EYS: variants seen among roughly 807,000 people sequenced by gnomAD.
EYS encodes the protein protein eyes shut homolog.
Under a neutral mutation model 282.1 loss-of-function variants are expected in EYS, and 250 were observed. That is an observed-to-expected ratio of 0.89 (90% CI 0.80 to 0.98). The LOEUF (loss-of-function observed/expected upper bound fraction) is 0.98. Ranked by LOEUF, EYS falls within the 50% of genes least tolerant of loss-of-function variation. The pLI is 0.00. For missense variants in EYS, 4,016 were observed against 3,709.0 expected, an observed-to-expected ratio of 1.08 and a Z score of -2.15; for synonymous variants, 1,355 against 1,282.9, an observed-to-expected ratio of 1.06 and a Z score of -1.20.
At position 65,199,452 on chromosome 6, in the gene EYS, C is replaced by T. The variant is rs75090245; in HGVS notation, c.2023+96411G>A. 1.4e-3 allele frequency among the ~76,000 whole-genome samples: 211 copies of T among 152,032 alleles called. 4 individuals are homozygous for T. The East Asian group carries it at 0.031, about 22-fold the overall frequency. On this transcript the variant is annotated intron_variant, in intron 12 of 42. Transcript: ENST00000503581. ...TTCTAATATTTCATTCATATTTAACCGACAGCAGCGAAGTACTCAGTGTAT... is the reference window on the plus strand; with the variant it reads ...TTCTAATATTTCATTCATATTTAACTGACAGCAGCGAAGTACTCAGTGTAT...
chr6:65,172,311 G>T (rs1256239544), intron 12 of EYS, among the ~76,000 whole-genome samples: 2 of 151,396 alleles, frequency 1.3e-5, no homozygotes, highest in Non-Finnish European at 3.0e-5. Context: ...CTACTTGAAA[G>T]TCAGCTGATA....
At chr6:63,839,620 A>T (rs1179965592) in intron 36 of EYS, among the ~76,000 whole-genome samples, 1 of 152,208 alleles carries the variant, frequency 6.6e-6, no homozygotes, top group Non-Finnish European at 1.5e-5. Context: ...AAGTGCTGAC[A>T]TTACAGGTAT....
chr6:64,513,175 G>GGTA (rs1331761978), intron 26 of EYS, among the ~76,000 whole-genome samples: 1 of 151,602 alleles, frequency 6.6e-6, no homozygotes, highest in African/African-American at 2.4e-5. Context: ...AAAATAGCTA[G>GGTA]GTAGACATTT....
chr6:64,861,628 C>T (rs76425870), intron 19 of EYS, among the ~76,000 whole-genome samples: 6,565 of 152,220 alleles, frequency 0.043, 200 homozygotes, highest in East Asian at 0.17. Context: ...GGCAGGGCTT[C>T]CACCTGGTCC....
intron 26 of EYS, among the ~76,000 whole-genome samples, chr6:64,481,276 A>G (rs9451730): frequency 0.031 from 1,903 of 61,322 alleles, 16 homozygotes; most frequent in African/African-American, 0.062. Flanking sequence ...GTGTGTGTGT[A>G]TATATATATA....
chr6:65,330,244 T>C, intron 11 of EYS: 1 of 951,442 alleles, frequency 1.1e-6, no homozygotes, highest in South Asian at 4.9e-5. Context: ...GAAAAATATC[T>C]TCCAGTTAGA....
At chr6:64,896,597 G>C (rs1169516971) in intron 18 of EYS, among the ~76,000 whole-genome samples, 1 of 150,750 alleles carries the variant, frequency 6.6e-6, no homozygotes, top group Non-Finnish European at 1.5e-5. Context: ...ACCAGCAAGA[G>C]AGAACCCTTC....
At chr6:64,352,537 G>GT (rs1771678837) in intron 29 of EYS, among the ~76,000 whole-genome samples, 1 of 151,478 alleles carries the variant, frequency 6.6e-6, no homozygotes, top group African/African-American at 2.4e-5. Context: ...AGTCACCAAT[G>GT]TTTTTATCAC....
Position 65,048,014 on chromosome 6 carries a change from G to A in EYS, c.2137+9600C>T, listed in dbSNP as rs73765733. Among the ~76,000 whole-genome samples the A allele has an allele frequency of 6.5e-3, 986 of 151,880 alleles. 15 individuals carry two copies. Among genetic ancestry groups the A allele is most frequent in the African/African-American group, 0.021 (890 of 41,466 alleles). Reference sequence around the variant, plus strand: ...TCCTTTCCTCTTATTTCATATTGGGGCTCCCATTTGCCAAACTCAAAAGAA... The same window carrying A: ...TCCTTTCCTCTTATTTCATATTGGGACTCCCATTTGCCAAACTCAAAAGAA... On this transcript the variant is annotated intron_variant, in intron 13 of 42. Transcript: ENST00000503581.
intron 12 of EYS, among the ~76,000 whole-genome samples, chr6:65,231,103 A>ATATATATGTATTTATATATATATACTTT (rs1766764167): frequency 6.9e-6 from 1 of 145,224 alleles, no homozygotes; most frequent in Non-Finnish European, 1.5e-5. Context: ...ATATACTTTT[A>ATATATATGTATTTATATATATATACTTT]TATATATGTA....
intron 30 of EYS, among the ~76,000 whole-genome samples, chr6:64,251,872 T>A (rs992182588): frequency 6.6e-6 from 1 of 152,046 alleles, no homozygotes; most frequent in Non-Finnish European, 1.5e-5. Flanking sequence ...TAAGTCTGTA[T>A]CAAGAATTTA....
chr6:64,652,437 C>G (rs1388881401), intron 22 of EYS, among the ~76,000 whole-genome samples: 1 of 152,108 alleles, frequency 6.6e-6, no homozygotes, highest in Non-Finnish European at 1.5e-5. Context: ...AAAGTATTTT[C>G]TACCTGACAA....
At chr6:65,248,306 T>C (rs1431549968) in intron 12 of EYS, among the ~76,000 whole-genome samples, 1 of 152,134 alleles carries the variant, frequency 6.6e-6, no homozygotes, top group Non-Finnish European at 1.5e-5. Flanking sequence ...ATTCCCTTCC[T>C]AGGACTTGCT....
chr6:65,494,434 T>C (rs933535290), intron 4 of EYS, among the ~76,000 whole-genome samples: 27 of 150,942 alleles, frequency 1.8e-4, no homozygotes, highest in African/African-American at 5.7e-4. Flanking sequence ...CCCTCCACCA[T>C]GCTCGGCTAA....
chr6:65,355,704 A>C (rs1764452657), intron 8 of EYS, among the ~76,000 whole-genome samples: 1 of 152,114 alleles, frequency 6.6e-6, no homozygotes, highest in South Asian at 2.1e-4. Flanking sequence ...AAACATACAA[A>C]TAGCCAGCCC....
chr6:63,790,066 C>T (rs1770467369), intron 37 of EYS, among the ~76,000 whole-genome samples: 1 of 152,186 alleles, frequency 6.6e-6, no homozygotes, highest in Non-Finnish European at 1.5e-5. Context: ...CTGAGGCTAG[C>T]AGTCAGGAAA....
intron 5 of EYS, among the ~76,000 whole-genome samples, chr6:65,465,900 A>C (rs1285708514): frequency 1.3e-5 from 2 of 152,038 alleles, no homozygotes; most frequent in Non-Finnish European, 2.9e-5. Context: ...TGAGGCTGGG[A>C]AATTGAGGCT....
At chr6:63,770,955 C>T (rs1271450186) in intron 40 of EYS, among the ~76,000 whole-genome samples, 2 of 152,216 alleles carry the variant, frequency 1.3e-5, no homozygotes, top group East Asian at 1.9e-4. Flanking sequence ...AGATACTCAC[C>T]TAGGTCCTTG....
At chr6:63,817,394 G>T (rs1771205077) in intron 36 of EYS, among the ~76,000 whole-genome samples, 1 of 152,206 alleles carries the variant, frequency 6.6e-6, no homozygotes. Context: ...GCAACCTCCT[G>T]ACAGGAGCTG....
Sources: gnomAD v4.1 joint callset for allele counts (sites outside exome capture counted in the v4.1 genomes callset) on GRCh38, gnomAD v4.1.1 for gene constraint, MANE v1.5 for transcripts, NCBI Gene and HGNC (gene_info 2026-07-23, HGNC 2026-07-21) for gene names.